The following TM9SF3 variants were observed in gnomAD, a reference collection of about 807,000 sequenced individuals.
TM9SF3 encodes SM-11044-binding protein.
Under a neutral mutation model 78.6 loss-of-function variants are expected in TM9SF3, and 14 were observed. That is an observed-to-expected ratio of 0.18 (90% CI 0.12 to 0.28). The LOEUF (loss-of-function observed/expected upper bound fraction) is 0.28, where lower values mean the gene tolerates loss of function less well. Ranked by LOEUF, TM9SF3 falls within the 10% of genes least tolerant of loss-of-function variation. TM9SF3 has a pLI of 1.00. For synonymous variants in TM9SF3, 231 were observed against 241.7 expected (o/e 0.96, Z 0.41); for missense variants, 496 against 721.9 (o/e 0.69, Z 3.59).
At chr10:96,530,229 A>C (rs1288769427) in intron 11 of TM9SF3, among the ~76,000 whole-genome samples, 1 of 152,186 alleles carries the variant, frequency 6.6e-6, no homozygotes, top group Non-Finnish European at 1.5e-5. Flanking sequence ...TACAATAAAA[A>C]CCAGGAATTC....
Position 96,586,852 on chromosome 10 carries a change from G to A in TM9SF3, c.-17C>T. ...CGGCCTCATCCTCCGCGCCCCTCCG[G>A]CCCGGAGCCGGCTCACCGACTCCTC... On this transcript the variant is annotated 5_prime_UTR_variant, in exon 1 of 15. Transcript: ENST00000371142. 2 of 1,203,436 alleles carry A rather than the reference G, an allele frequency of 1.7e-6. No individual in the cohort carries two copies. Among genetic ancestry groups the A allele is most frequent in the South Asian group, 7.8e-5 (2 of 25,614 alleles). 74.5% of individuals were successfully genotyped at this position (1,203,436 alleles called of 1,614,324 possible).
At chr10:96,537,241 A>T (rs563993598) in intron 9 of TM9SF3, among the ~76,000 whole-genome samples, 2 of 152,192 alleles carry the variant, frequency 1.3e-5, no homozygotes, top group African/African-American at 2.4e-5. Flanking sequence ...CGTTGGTCCC[A>T]TAAGATTATA....
At position 96,521,438 on chromosome 10, in the gene TM9SF3, T is replaced by C. The variant is rs1847771378; in HGVS notation, c.*825A>G. 1 of 152,440 alleles carries C rather than the reference T, an allele frequency of 6.6e-6. No homozygotes were observed. The highest frequency in any genetic ancestry group is 2.1e-4 in the South Asian group (1 of 4,836). The allele number at this position is 152,440 out of a possible 1,614,324, so 9.4% of individuals were successfully genotyped here. A position where few individuals can be genotyped will look rare whatever the true frequency, so the allele number is the denominator to read the frequency against. The stretch of plus-strand genomic sequence containing the variant: ...TTGGGGGGAAAAAAGATAATCACTT[T>C]AGACATTCAGTTAAAATGTAGTTTA... On this transcript the variant is annotated 3_prime_UTR_variant, in exon 15 of 15. Coordinates refer to ENST00000371142, the MANE Select transcript of TM9SF3 (RefSeq NM_020123.4).
rs969657848 is a variant in TM9SF3 at position 96,535,204 on chromosome 10, A to G, written c.1186-2014T>C. Reference sequence around the variant, plus strand: ...TTGTTGTCCAACTTTTTAATATATGATAAAAAATGTGAGCAGTTTGTTAGA... The same window carrying G: ...TTGTTGTCCAACTTTTTAATATATGGTAAAAAATGTGAGCAGTTTGTTAGA... On this transcript the variant is annotated intron_variant, in intron 9 of 14. Transcript: ENST00000371142. Among the ~76,000 whole-genome samples, 8 of 152,340 alleles carry G rather than the reference A, an allele frequency of 5.3e-5. No individual in the cohort carries two copies. The East Asian group carries it at 1.5e-3, about 29-fold the overall frequency.
At chr10:96,548,739 A>G (rs1848130278) in intron 7 of TM9SF3, among the ~76,000 whole-genome samples, 1 of 147,916 alleles carries the variant, frequency 6.8e-6, no homozygotes, top group Admixed American at 6.9e-5. Flanking sequence ...CAGAGGTGGC[A>G]GTGAGCCAAG....
chr10:96,572,770 C>T (rs989852668), intron 2 of TM9SF3, among the ~76,000 whole-genome samples: 4 of 152,006 alleles, frequency 2.6e-5, no homozygotes, highest in Non-Finnish European at 5.9e-5. Context: ...CCCGCCTCAG[C>T]CTCCCAAAGT....
At chr10:96,551,060 T>C (rs1215503123) in intron 7 of TM9SF3, among the ~76,000 whole-genome samples, 185 bp downstream of exon 7, 1 of 152,218 alleles carries the variant, frequency 6.6e-6, no homozygotes, top group Non-Finnish European at 1.5e-5. Flanking sequence ...AGTTTTGGCA[T>C]GTAACAGAAA....
intron 3 of TM9SF3, 78 bp from the exon 4 acceptor site, chr10:96,562,216 G>GTTTTTTTTT (rs34868868): frequency 5.3e-6 from 3 of 561,228 alleles, no homozygotes; most frequent in African/African-American, 2.4e-5. Context: ...TGCTCATTAA[G>GTTTTTTTTT]TTTTTTTTTT....
intron 9 of TM9SF3, among the ~76,000 whole-genome samples, chr10:96,540,612 C>T (rs540454851): frequency 2.6e-5 from 4 of 151,198 alleles, no homozygotes; most frequent in African/African-American, 9.8e-5. Flanking sequence ...TGGGATAGAG[C>T]CATTCTTTTT....
At chr10:96,585,852 A>C (rs948491586) in intron 1 of TM9SF3, among the ~76,000 whole-genome samples, 1 of 152,236 alleles carries the variant, frequency 6.6e-6, no homozygotes, top group Non-Finnish European at 1.5e-5. Flanking sequence ...TGCCTTGCTC[A>C]AGTCTACCAC....
intron 1 of TM9SF3, among the ~76,000 whole-genome samples, chr10:96,582,738 G>A (rs577664679): frequency 3.3e-5 from 5 of 152,234 alleles, no homozygotes; most frequent in East Asian, 1.9e-4. Context: ...ACACTCTTCA[G>A]AGAATATTAA....
At chr10:96,523,441 T>C (rs1460444455) in intron 14 of TM9SF3, among the ~76,000 whole-genome samples, 1 of 151,760 alleles carries the variant, frequency 6.6e-6, no homozygotes, top group South Asian at 2.1e-4. Flanking sequence ...TACCAACTGG[T>C]TGATGAAAGG....
chr10:96,579,210 T>C (rs756895136), intron 1 of TM9SF3, among the ~76,000 whole-genome samples: 14 of 152,226 alleles, frequency 9.2e-5, no homozygotes, highest in Non-Finnish European at 1.5e-4. Context: ...ATGACTGCTA[T>C]GTACCCTGAC....
chr10:96,572,794 G>T (rs533524049), intron 2 of TM9SF3, among the ~76,000 whole-genome samples: 1 of 152,106 alleles, frequency 6.6e-6, no homozygotes, highest in East Asian at 1.9e-4. Flanking sequence ...GGGATTACAG[G>T]GGTGAGCCAC....
At chr10:96,579,549 A>G (rs1848536777) in intron 1 of TM9SF3, among the ~76,000 whole-genome samples, 1 of 152,222 alleles carries the variant, frequency 6.6e-6, no homozygotes. Context: ...GAAGTTACTC[A>G]TTTTAAACAT....
intron 10 of TM9SF3, among the ~76,000 whole-genome samples, chr10:96,531,645 G>A (rs573194243): frequency 9.9e-5 from 15 of 152,224 alleles, no homozygotes; most frequent in African/African-American, 3.4e-4. Flanking sequence ...ATCTGCCCAA[G>A]GTGACACAGT....
intron 7 of TM9SF3, among the ~76,000 whole-genome samples, chr10:96,549,047 C>T (rs1378267682): frequency 1.3e-5 from 2 of 152,128 alleles, no homozygotes; most frequent in South Asian, 2.1e-4. Flanking sequence ...ACACCTGCCA[C>T]AGCCTTACCA....
At chr10:96,564,805 T>C (rs566264588) in intron 3 of TM9SF3, among the ~76,000 whole-genome samples, 1 of 152,328 alleles carries the variant, frequency 6.6e-6, no homozygotes, top group Admixed American at 6.5e-5. Flanking sequence ...TAAATTGGCA[T>C]TAACTATTCC....
intron 9 of TM9SF3, among the ~76,000 whole-genome samples, chr10:96,541,798 A>G (rs185331710): frequency 7.5e-4 from 115 of 152,320 alleles, no homozygotes; most frequent in East Asian, 1.5e-3. Context: ...GGGGAAGAGC[A>G]CTTAGGAGGA....
Sources: allele counts gnomAD v4.1 joint callset (sites outside exome capture counted in the v4.1 genomes callset), GRCh38; gene constraint gnomAD v4.1.1; transcripts MANE v1.5; gene names NCBI Gene and HGNC (gene_info 2026-07-23, HGNC 2026-07-21).